The following CFAP54 variants were observed in gnomAD, a reference collection of about 807,000 sequenced individuals.
CFAP54 encodes the protein cilia and flagella associated protein 54, also known as cilia- and flagella-associated protein 54.
In CFAP54, 290 loss-of-function variants were observed where a neutral mutation model predicts 370.4. The observed-to-expected ratio is 0.78, with a 90% CI of 0.71 to 0.86. The LOEUF (loss-of-function observed/expected upper bound fraction) is 0.86. Ranked by LOEUF, CFAP54 falls within the 40% of genes least tolerant of loss-of-function variation. The pLI, the probability that CFAP54 is intolerant of heterozygous loss-of-function variation, is 0.00. For missense variants in CFAP54, 3,399 were observed against 3,528.7 expected (o/e 0.96, Z 0.93); for synonymous variants, 1,206 against 1,236.5 (o/e 0.98, Z 0.52).
intron 65 of CFAP54, among the ~76,000 whole-genome samples, chr12:96,818,816 C>A (rs1043642362): frequency 4.6e-5 from 7 of 152,170 alleles, no homozygotes; most frequent in Non-Finnish European, 8.8e-5. Flanking sequence ...ATAAGTCACT[C>A]CACTCTTTTG....
intron 39 of CFAP54, among the ~76,000 whole-genome samples, chr12:96,670,600 G>C (rs1274281619): frequency 6.6e-6 from 1 of 152,144 alleles, no homozygotes; most frequent in Non-Finnish European, 1.5e-5. Flanking sequence ...CCTAATGACT[G>C]TCATGGGAAC....
At chr12:96,643,613 TTGAA>T (rs1714742089) in intron 32 of CFAP54, among the ~76,000 whole-genome samples, 1 of 152,150 alleles carries the variant, frequency 6.6e-6, no homozygotes, top group Admixed American at 6.5e-5. Flanking sequence ...TTTTAAAAAA[TTGAA>T]TATATATAAT....
rs756749140 is a variant in CFAP54 at position 96,650,008 on chromosome 12, G to A, written c.4808G>A (p.Arg1603Gln). 2.5e-5 allele frequency: 41 copies of A among 1,613,712 alleles called. No homozygotes were observed. The highest frequency in any genetic ancestry group is 3.3e-5 in the Non-Finnish European group (39 of 1,179,910). ...QSGSSAKEKD[R>Q]GANLCVMDHF... The stretch of plus-strand genomic sequence containing the variant: ...GGTTCTAGTGCTAAAGAAAAGGACC[G>A]AGGAGCAAATTTGTGTGTAATGGAT... The change falls in exon 35 of 68, where the codon CGA becomes CAA. Residue 1603 changes from arginine to glutamine, a missense_variant. Arg to Gln is a conservative substitution (Grantham distance 43). This residue lies in a region of CFAP54 where 2,796 missense variants were observed against 2,869.7 expected (regional missense o/e 0.97). Transcript: ENST00000524981.
At chr12:96,512,877 T>C in intron 4 of CFAP54, 109 bp from the exon 5 acceptor site, 1 of 542,082 alleles carries the variant, frequency 1.8e-6, no homozygotes, top group Non-Finnish European at 3.0e-6. Flanking sequence ...TCAGACTTCC[T>C]CATAAGATCA....
In CFAP54 at chr12:96,720,502, T is replaced by C. The variant is rs1214357911; in HGVS notation, c.6902T>C (p.Ile2301Thr). ...CAGTGCTCCGCTGGCGAGCTGGAGA[T>C]TGTGGTGGAGGCCCGGCTTCAGCTG... ...LSQCSAGELE[I>T]VVEARLQLAA... The change falls in exon 50 of 68, where the codon ATT (isoleucine) becomes ACT (threonine). Residue 2301 changes from isoleucine (I) to threonine (T), a missense_variant. By Grantham distance (89) the Ile-to-Thr change is moderately conservative (BLOSUM62 -1). Around this residue, in one of 3 missense-constraint regions of CFAP54, gnomAD observed 2,796 missense variants for 2,869.7 expected, o/e 0.97. Transcript: ENST00000524981. 1 of 1,599,984 alleles carries C rather than the reference T, an allele frequency of 6.3e-7. No homozygotes were observed. Among genetic ancestry groups the C allele is most frequent in the South Asian group, 1.1e-5 (1 of 89,106 alleles).
chr12:96,640,875 G>T (rs913493644), intron 32 of CFAP54, among the ~76,000 whole-genome samples: 3 of 152,084 alleles, frequency 2.0e-5, no homozygotes, highest in Admixed American at 6.6e-5. Context: ...CTAGCCATAT[G>T]TAGAAAGCTG....
intron 26 of CFAP54, among the ~76,000 whole-genome samples, chr12:96,602,475 C>T (rs1478614119): frequency 1.3e-5 from 2 of 152,134 alleles, no homozygotes; most frequent in Non-Finnish European, 2.9e-5. Context: ...ATTAGGTCTC[C>T]TTGTTCCAGA....
intron 14 of CFAP54, among the ~76,000 whole-genome samples, chr12:96,545,214 C>G (rs1260682189): frequency 6.6e-6 from 1 of 151,976 alleles, no homozygotes; most frequent in African/African-American, 2.4e-5. Flanking sequence ...CACCCGACCT[C>G]TTCCTCTTCT....
intron 19 of CFAP54, among the ~76,000 whole-genome samples, chr12:96,572,634 A>G (rs1955933327): frequency 6.6e-6 from 1 of 152,208 alleles, no homozygotes; most frequent in Non-Finnish European, 1.5e-5. Context: ...TGAAGAGACT[A>G]GAAAGAGACT....
chr12:96,495,390 G>A (rs1252178599), intron 1 of CFAP54, among the ~76,000 whole-genome samples: 6 of 151,106 alleles, frequency 4.0e-5, no homozygotes, highest in Admixed American at 3.3e-4. Context: ...TCACTGCTAC[G>A]TCTGCCTCCC....
chr12:96,830,559 A>T (rs1294784220), intron 66 of CFAP54, among the ~76,000 whole-genome samples: 8 of 152,216 alleles, frequency 5.3e-5, no homozygotes, highest in Non-Finnish European at 1.2e-4. Flanking sequence ...ATTGGTATAT[A>T]CATTTTGATA....
chr12:96,791,360 C>A (rs1184267484), intron 62 of CFAP54, among the ~76,000 whole-genome samples: 1 of 152,032 alleles, frequency 6.6e-6, no homozygotes, highest in East Asian at 1.9e-4. Context: ...AGCAACCATG[C>A]TTTGCTTTTT....
chr12:96,592,927 T>A (rs1315803939), intron 24 of CFAP54, among the ~76,000 whole-genome samples: 1 of 152,230 alleles, frequency 6.6e-6, no homozygotes, highest in East Asian at 1.9e-4. Context: ...TGTAATCTTA[T>A]TACCTCTAAG....
rs145933908 is a variant in CFAP54 at position 96,667,528 on chromosome 12, C to T, written c.5563+3596C>T. ...AGCTTGGGGCTTGCACCCTCTGAAG[C>T]CATGGCCCGAGCTGTACCTTAACCC... is the stretch of plus-strand genomic sequence containing the variant. On this transcript the variant is annotated intron_variant, in intron 39 of 67. Coordinates refer to ENST00000524981, the MANE Select transcript of CFAP54 (RefSeq NM_001306084.2). 2.8e-3 allele frequency among the ~76,000 whole-genome samples: 431 copies of T among 152,358 alleles called. 3 individuals carry two copies. The highest frequency in any genetic ancestry group is 0.022 in the South Asian group (108 of 4,828).
intron 39 of CFAP54, among the ~76,000 whole-genome samples, chr12:96,678,073 T>C (rs1000827205): frequency 6.6e-6 from 1 of 152,058 alleles, no homozygotes; most frequent in Non-Finnish European, 1.5e-5. Flanking sequence ...GGCACTGGAC[T>C]TGAACACCGG....
chr12:96,786,891 C>G lies in CFAP54; in HGVS notation c.8672C>G (p.Ser2891Cys), dbSNP rs1031460641. 3.7e-5 allele frequency: 56 copies of G among 1,526,264 alleles called. No individual in the cohort carries two copies. The Admixed American group carries it at 1.1e-3, about 31-fold the overall frequency. The allele number at this position is 1,526,264 out of a possible 1,614,324, so 94.5% of individuals were successfully genotyped here. A position where few individuals can be genotyped will look rare whatever the true frequency, so the allele number is the denominator to read the frequency against. ...TCAGAAAAAGACTTACGTGAATCAT[C>G]TGCCAAGGTAACGTTTTTTGAAACA... is the stretch of plus-strand genomic sequence containing the variant. ...PLSEKDLRES[S>C]AKLYRDSSVQ... The change falls in exon 62 of 68, where the codon TCT becomes TGT. Residue 2891 changes from serine to cysteine, a missense_variant. Ser to Cys is a moderately radical substitution (Grantham distance 112). Around this residue, in one of 3 missense-constraint regions of CFAP54, gnomAD observed 2,796 missense variants for 2,869.7 expected, o/e 0.97. Transcript: ENST00000524981.
chr12:96,489,601 C>T lies in CFAP54; in HGVS notation c.-9C>T. ...TACACATACTCCAGGCGGGCCGGGG[C>T]GCGTCAATATGGCGGCGCAGGGCTC... On this transcript the variant is annotated 5_prime_UTR_variant, in exon 1 of 68. Coordinates refer to ENST00000524981, the MANE Select transcript of CFAP54 (RefSeq NM_001306084.2). 2.7e-6 allele frequency: 4 copies of T among 1,509,304 alleles called. No homozygotes were observed. Among genetic ancestry groups the T allele is most frequent in the Middle Eastern group, 1.8e-4 (1 of 5,636 alleles). The allele number at this position is 1,509,304 out of a possible 1,614,324, so 93.5% of individuals were successfully genotyped here. A position where few individuals can be genotyped will look rare whatever the true frequency, so the allele number is the denominator to read the frequency against.
Position 96,811,706 on chromosome 12 carries a change from C to T in CFAP54, c.8851-30C>T, listed in dbSNP as rs939130075. On this transcript the variant is annotated intron_variant, in intron 63 of 67. Transcript: ENST00000524981. Reference sequence around the variant, plus strand: ...GAGCTAAACTCTAATTTTGATGTCACATTTTATACCCCTTTTATTTTTCTT... The same window carrying T: ...GAGCTAAACTCTAATTTTGATGTCATATTTTATACCCCTTTTATTTTTCTT... 6 of 1,193,204 alleles carry T rather than the reference C, an allele frequency of 5.0e-6. No individual in the cohort carries two copies. In the African/African-American group the frequency reaches 6.3e-5, roughly 13 times the overall value. The allele number at this position is 1,193,204 out of a possible 1,614,324, so 73.9% of individuals were successfully genotyped here.
At chr12:96,508,821 A>G (rs998969023) in intron 4 of CFAP54, among the ~76,000 whole-genome samples, 18 of 151,982 alleles carry the variant, frequency 1.2e-4, no homozygotes, top group African/African-American at 4.1e-4. Flanking sequence ...GCAGATATCC[A>G]TACAGGCCTG....
Sources: gnomAD v4.1 joint callset for allele counts (sites outside exome capture counted in the v4.1 genomes callset) on GRCh38, gnomAD v4.1.1 for gene constraint, gnomAD v4.1.1 regional missense constraint, MANE v1.5 for transcripts, NCBI Gene and HGNC (gene_info 2026-07-23, HGNC 2026-07-21) for gene names.